Variants in ZSWIM6 observed in about 807,000 individuals in gnomAD.
The protein encoded by ZSWIM6 is zinc finger SWIM domain-containing protein 6.
A neutral mutation model predicts 113.2 loss-of-function variants in ZSWIM6; 9 were observed. The observed-to-expected ratio is 0.08, with a 90% CI of 0.05 to 0.14. The LOEUF (loss-of-function observed/expected upper bound fraction) is 0.14. Among genes scored for constraint, ZSWIM6 ranks in the 10% least tolerant of loss-of-function variants. The pLI is 1.00. For missense variants in ZSWIM6, 1,162 were observed against 1,552.2 expected (o/e 0.75, Z 4.22); for synonymous variants, 611 against 606.5 (o/e 1.01, Z -0.11).
At chr5:61,351,112 T>C (rs1223222908) in intron 1 of ZSWIM6, among the ~76,000 whole-genome samples, 1 of 152,234 alleles carries the variant, frequency 6.6e-6, no homozygotes, top group African/African-American at 2.4e-5. Context: ...TAGTTTATTA[T>C]AATTGTTGCC....
rs1749434432 is a variant in ZSWIM6, at chr5:61,531,607, G to A, written c.2127G>A (p.Leu709=). 2 of 1,551,694 alleles carry A rather than the reference G, an allele frequency of 1.3e-6. No homozygotes were observed. Among genetic ancestry groups the A allele is most frequent in the South Asian group, 1.2e-5 (1 of 84,062 alleles). Residue 709 remains leucine, a synonymous_variant, in exon 9 of 14, where the codon CTG becomes CTA. Coordinates refer to ENST00000252744, the MANE Select transcript of ZSWIM6 (RefSeq NM_020928.2). ...AGCAGCGTATCATGCCTGATGGGCT[G>A]TACACACAAGAGAAAGTTTGCCGGA... ...LGQQRIMPDG[L]YTQEKVCRNE...
chr5:61,339,238 C>A (rs1195562121), intron 1 of ZSWIM6, among the ~76,000 whole-genome samples: 1 of 152,160 alleles, frequency 6.6e-6, no homozygotes, highest in South Asian at 2.1e-4. Flanking sequence ...GAAACCCTAT[C>A]TCTACTAAAA....
chr5:61,474,248 G>A (rs1253690762), intron 2 of ZSWIM6, among the ~76,000 whole-genome samples: 1 of 152,144 alleles, frequency 6.6e-6, no homozygotes, highest in African/African-American at 2.4e-5. Flanking sequence ...AATACAGTAT[G>A]ATTCTTGTAT....
intron 10 of ZSWIM6, among the ~76,000 whole-genome samples, chr5:61,537,947 T>C (rs1291336908): frequency 6.6e-6 from 1 of 152,242 alleles, no homozygotes; most frequent in African/African-American, 2.4e-5. Flanking sequence ...ATTCTTTTTT[T>C]ATTTGTTTTG....
intron 11 of ZSWIM6, 56 bp from the exon 12 acceptor site, chr5:61,539,540 G>A: frequency 3.3e-6 from 5 of 1,499,182 alleles, no homozygotes; most frequent in Non-Finnish European, 4.5e-6. Context: ...TTGTTTATTT[G>A]TTTGTCTTGC....
intron 1 of ZSWIM6, among the ~76,000 whole-genome samples, chr5:61,434,502 C>T (rs1746661181): frequency 1.3e-5 from 2 of 151,492 alleles, no homozygotes; most frequent in Admixed American, 6.6e-5. Context: ...TATGCCTTCG[C>T]ATCCTATAGT....
intron 1 of ZSWIM6, among the ~76,000 whole-genome samples, chr5:61,410,978 A>G (rs1461480269): frequency 6.6e-6 from 1 of 152,212 alleles, no homozygotes; most frequent in Non-Finnish European, 1.5e-5. Flanking sequence ...AGACGTAAGA[A>G]TATTCTGGTT....
intron 4 of ZSWIM6, among the ~76,000 whole-genome samples, chr5:61,500,599 C>T (rs1358339520): frequency 6.6e-6 from 1 of 152,130 alleles, no homozygotes; most frequent in African/African-American, 2.4e-5. Context: ...GCTGAGCTTA[C>T]CTAGTCTAGT....
At chr5:61,398,982 G>C (rs1369092204) in intron 1 of ZSWIM6, among the ~76,000 whole-genome samples, 3 of 134,964 alleles carry the variant, frequency 2.2e-5, no homozygotes. Flanking sequence ...GAGTGCAGTG[G>C]TGCGATCTCT....
intron 8 of ZSWIM6, among the ~76,000 whole-genome samples, chr5:61,530,794 C>T (rs1749411549): frequency 6.6e-6 from 1 of 152,176 alleles, no homozygotes; most frequent in Non-Finnish European, 1.5e-5. Context: ...GCTTCCATGG[C>T]TGGATGAGCT....
intron 1 of ZSWIM6, among the ~76,000 whole-genome samples, chr5:61,465,832 A>G (rs527851368): frequency 6.6e-6 from 1 of 152,370 alleles, no homozygotes; most frequent in East Asian, 1.9e-4. Flanking sequence ...TAGTCTTAAA[A>G]TAAAGCTTTT....
At chr5:61,494,211 T>G in intron 3 of ZSWIM6, 49 bp from the exon 4 acceptor site, 2 of 1,537,568 alleles carry the variant, frequency 1.3e-6, no homozygotes, top group Non-Finnish European at 1.8e-6. Context: ...GGGGTTTTGT[T>G]GTGTTTTCGT....
At chr5:61,480,531 G>A (rs537812154) in intron 2 of ZSWIM6, among the ~76,000 whole-genome samples, 101 of 152,290 alleles carry the variant, frequency 6.6e-4, no homozygotes, top group African/African-American at 2.3e-3. Flanking sequence ...TATGGCAGTA[G>A]AATTATGTGG....
intron 1 of ZSWIM6, chr5:61,391,151 G>A: frequency 2.5e-6 from 2 of 785,740 alleles, no homozygotes; most frequent in Non-Finnish European, 4.7e-6. Flanking sequence ...GTCTTGTGGG[G>A]TAGCTTCTTG....
At chr5:61,529,331 G>A (rs925301507) in intron 7 of ZSWIM6, among the ~76,000 whole-genome samples, 2 of 152,274 alleles carry the variant, frequency 1.3e-5, no homozygotes, top group East Asian at 1.9e-4. Flanking sequence ...AGCATTCTGC[G>A]GTTTAACTTG....
intron 4 of ZSWIM6, among the ~76,000 whole-genome samples, chr5:61,519,561 A>G (rs1256352627): frequency 1.2e-4 from 18 of 148,690 alleles, no homozygotes; most frequent in Admixed American, 8.7e-4. Flanking sequence ...ATTTTGTCCA[A>G]AGTTTTTGTT....
chr5:61,351,852 G>A (rs1446375118), intron 1 of ZSWIM6, among the ~76,000 whole-genome samples: 1 of 152,078 alleles, frequency 6.6e-6, no homozygotes, highest in African/African-American at 2.4e-5. Context: ...TGCTATGTTT[G>A]TACACACATG....
intron 5 of ZSWIM6, among the ~76,000 whole-genome samples, chr5:61,525,119 G>A (rs1749241832): frequency 6.6e-6 from 1 of 152,204 alleles, no homozygotes; most frequent in South Asian, 2.1e-4. Flanking sequence ...AACCTGCCCA[G>A]GAGTCAGGAG....
At chr5:61,417,779 G>A (rs1746285489) in intron 1 of ZSWIM6, among the ~76,000 whole-genome samples, 1 of 152,168 alleles carries the variant, frequency 6.6e-6, no homozygotes, top group Non-Finnish European at 1.5e-5. Context: ...CAAGAGTTTT[G>A]GAGAATGGGT....
Sources: gnomAD v4.1 joint callset for allele counts (sites outside exome capture counted in the v4.1 genomes callset) on GRCh38, gnomAD v4.1.1 for gene constraint, MANE v1.5 for transcripts, NCBI Gene and HGNC (gene_info 2026-07-23, HGNC 2026-07-21) for gene names.